The following DLGAP2 variants were observed in gnomAD, a reference collection of about 807,000 sequenced individuals.
The protein encoded by DLGAP2 is disks large-associated protein 2.
Under a neutral mutation model 100.3 loss-of-function variants are expected in DLGAP2, and 26 were observed. That is an observed-to-expected ratio of 0.26 (90% CI 0.19 to 0.36). DLGAP2 has a LOEUF of 0.36. Ranked by LOEUF, DLGAP2 falls within the 10% of genes least tolerant of loss-of-function variation. The pLI is 1.00. For synonymous variants in DLGAP2, 886 were observed against 630.1 expected, an observed-to-expected ratio of 1.41 and a Z score of -6.08; for missense variants, 1,858 against 1,453.2, an observed-to-expected ratio of 1.28 and a Z score of -4.53.
chr8:792,011 G>C (rs1822042946), intron 1 of DLGAP2, among the ~76,000 whole-genome samples: 1 of 152,232 alleles, frequency 6.6e-6, no homozygotes, highest in African/African-American at 2.4e-5. Flanking sequence ...TGGATTTGCT[G>C]AGTTGCTGGA....
intron 3 of DLGAP2, among the ~76,000 whole-genome samples, chr8:1,409,327 C>T (rs28416466): frequency 0.23 from 33,466 of 148,710 alleles, 4,190 homozygotes; most frequent in East Asian, 0.35. Context: ...CCATAGCAGG[C>T]GCCTGGCTCC....
intron 2 of DLGAP2, among the ~76,000 whole-genome samples, chr8:1,054,260 GCA>G (rs957787074): frequency 1.3e-5 from 2 of 151,524 alleles, no homozygotes; most frequent in East Asian, 3.9e-4. Context: ...GTACACACAC[GCA>G]CACACACGGA....
At chr8:1,066,490 C>T (rs538961422) in intron 2 of DLGAP2, among the ~76,000 whole-genome samples, 4 of 145,840 alleles carry the variant, frequency 2.7e-5, no homozygotes, top group South Asian at 4.5e-4. Context: ...AGCCCCACCA[C>T]GGTCAGGTCT....
At chr8:948,197 GAGA>G (rs1173423444) in intron 2 of DLGAP2, among the ~76,000 whole-genome samples, 3 of 152,192 alleles carry the variant, frequency 2.0e-5, no homozygotes, top group Admixed American at 6.5e-5. Flanking sequence ...TGGGCCGGGA[GAGA>G]AGATCTTTCA....
At chr8:988,202 C>T (rs1217977221) in intron 2 of DLGAP2, among the ~76,000 whole-genome samples, 1 of 151,966 alleles carries the variant, frequency 6.6e-6, no homozygotes, top group Non-Finnish European at 1.5e-5. Context: ...TATTTAGTAC[C>T]CTTTAGTATT....
intron 3 of DLGAP2, among the ~76,000 whole-genome samples, chr8:1,499,637 A>C (rs1210835616): frequency 6.6e-6 from 1 of 152,160 alleles, no homozygotes; most frequent in African/African-American, 2.4e-5. Flanking sequence ...GCCTTGAAGA[A>C]ATGGGGTTAT....
At chr8:1,139,173 T>C (rs1191892840) in intron 2 of DLGAP2, among the ~76,000 whole-genome samples, 2 of 152,220 alleles carry the variant, frequency 1.3e-5, no homozygotes, top group African/African-American at 4.8e-5. Context: ...GGTGGCCTGC[T>C]GGGCTGCCTG....
At chr8:1,169,253 G>A (rs1162266070) in intron 2 of DLGAP2, among the ~76,000 whole-genome samples, 2 of 152,092 alleles carry the variant, frequency 1.3e-5, no homozygotes, top group African/African-American at 2.4e-5. Context: ...CTCTGTTTTG[G>A]TACCAGTACC....
chr8:740,554 A>G (rs1369754846), intron 1 of DLGAP2, among the ~76,000 whole-genome samples: 1 of 152,226 alleles, frequency 6.6e-6, no homozygotes, highest in Non-Finnish European at 1.5e-5. Flanking sequence ...GAAATTCCAA[A>G]TTAAATATTA....
intron 2 of DLGAP2, among the ~76,000 whole-genome samples, chr8:950,294 G>T (rs1584917080): frequency 6.6e-6 from 1 of 152,294 alleles, no homozygotes; most frequent in East Asian, 1.9e-4. Flanking sequence ...TTTGATGATT[G>T]TGATACAATT....
chr8:880,839 G>T (rs1031677761), intron 1 of DLGAP2, among the ~76,000 whole-genome samples: 10 of 152,198 alleles, frequency 6.6e-5, no homozygotes, highest in African/African-American at 2.4e-4. Flanking sequence ...TGTAATTTTT[G>T]CTAAGAAGTT....
At chr8:1,298,760 TTAAAC>T (rs1031755236) in intron 3 of DLGAP2, among the ~76,000 whole-genome samples, 1 of 152,132 alleles carries the variant, frequency 6.6e-6, no homozygotes, top group Non-Finnish European at 1.5e-5. Flanking sequence ...TATAAAAACT[TTAAAC>T]TAAAGACTTC....
intron 8 of DLGAP2, among the ~76,000 whole-genome samples, chr8:1,641,544 C>G (rs907077422): frequency 1.3e-5 from 2 of 152,134 alleles, no homozygotes; most frequent in Non-Finnish European, 2.9e-5. Context: ...GGGTTCCTGA[C>G]TCATAGTCCA....
chr8:1,193,337 G>A (rs1041402559), intron 2 of DLGAP2, among the ~76,000 whole-genome samples: 2 of 152,128 alleles, frequency 1.3e-5, no homozygotes, highest in Non-Finnish European at 2.9e-5. Context: ...AGCACCTGTT[G>A]TTTCCTGGCT....
chr8:1,173,576 C>T (rs1463477231), intron 2 of DLGAP2, among the ~76,000 whole-genome samples: 1 of 152,182 alleles, frequency 6.6e-6, no homozygotes, highest in Non-Finnish European at 1.5e-5. Flanking sequence ...CCTAAGCAAG[C>T]CTGGGCAATG....
intron 6 of DLGAP2, among the ~76,000 whole-genome samples, chr8:1,579,374 G>A (rs771595576): frequency 6.6e-6 from 1 of 151,900 alleles, no homozygotes; most frequent in East Asian, 1.9e-4. Context: ...CTGTACTCTG[G>A]GGGTGGAGAA....
chr8:980,864 C>G (rs527907984), intron 2 of DLGAP2, among the ~76,000 whole-genome samples: 5 of 152,226 alleles, frequency 3.3e-5, no homozygotes, highest in African/African-American at 1.2e-4. Context: ...AGGGAACACA[C>G]AGGAACGCCT....
At chr8:1,654,751 T>C (rs1798246521) in intron 8 of DLGAP2, among the ~76,000 whole-genome samples, 1 of 152,196 alleles carries the variant, frequency 6.6e-6, no homozygotes, top group Non-Finnish European at 1.5e-5. Flanking sequence ...CTGATATGTT[T>C]CTGTTTTTTG....
intron 3 of DLGAP2, among the ~76,000 whole-genome samples, chr8:1,483,725 A>AGGCAGGTGCAGGACATGGGGACCAGGG (rs1563176069): frequency 1.1e-4 from 1 of 9,044 alleles, no homozygotes. Context: ...GGGGACCAGG[A>AGGCAGGTGCAGGACATGGGGACCAGGG]AGGCAGGTGC....
Sources: gnomAD v4.1 joint callset for allele counts (sites outside exome capture counted in the v4.1 genomes callset) on GRCh38, gnomAD v4.1.1 for gene constraint, MANE v1.5 for transcripts, NCBI Gene and HGNC (gene_info 2026-07-23, HGNC 2026-07-21) for gene names.